The following EPHA5 variants were observed in gnomAD, a reference collection of about 807,000 sequenced individuals.
EPHA5 encodes ephrin type-A receptor 5.
In EPHA5, 60 loss-of-function variants were observed where a neutral mutation model predicts 105.0. The observed-to-expected ratio is 0.57, with a 90% CI of 0.46 to 0.71. EPHA5 has a LOEUF of 0.71. Ranked by LOEUF, EPHA5 falls within the 30% of genes least tolerant of loss-of-function variation. The pLI, the probability that EPHA5 is intolerant of heterozygous loss-of-function variation, is 0.00. For synonymous variants in EPHA5, 513 were observed against 449.1 expected, an observed-to-expected ratio of 1.14 and a Z score of -1.80; for missense variants, 1,218 against 1,274.7, an observed-to-expected ratio of 0.96 and a Z score of 0.68.
At chr4:65,609,146 A>C (rs1280155659) in intron 2 of EPHA5, among the ~76,000 whole-genome samples, 1 of 152,202 alleles carries the variant, frequency 6.6e-6, no homozygotes, top group East Asian at 1.9e-4. Flanking sequence ...TTTTAAAAGA[A>C]TAAAACATGT....
chr4:65,603,475 A>AT (rs949183576), intron 2 of EPHA5, among the ~76,000 whole-genome samples: 11 of 133,076 alleles, frequency 8.3e-5, no homozygotes, highest in African/African-American at 2.3e-4. Context: ...AGTATTGTAG[A>AT]TAAAAAAAAC....
chr4:65,469,378 G>A lies in EPHA5; in HGVS notation c.1402+20999C>T, dbSNP rs144741245. On this transcript the variant is annotated intron_variant, in intron 5 of 16. Transcript: ENST00000613740. ...AAATCTCTGGCCTATTAACTAGGGT[G>A]CGAAATAGGTATTCAAGTTATGTAT... Among the ~76,000 whole-genome samples the A allele has an allele frequency of 1.0e-3, 155 of 152,272 alleles. 1 individual carries two copies. The highest frequency in any genetic ancestry group is 3.7e-3 in the African/African-American group (154 of 41,552).
chr4:65,440,902 A>C (rs946102708), intron 5 of EPHA5, among the ~76,000 whole-genome samples: 1 of 152,196 alleles, frequency 6.6e-6, no homozygotes, highest in Admixed American at 6.5e-5. Context: ...CTTTGTGTGC[A>C]ACTTACCAAG....
rs1036498009 is a variant in EPHA5, at chr4:65,373,234, T to C, written c.1794-5810A>G. Among the ~76,000 whole-genome samples the C allele has an allele frequency of 3.3e-5, 5 of 151,994 alleles. 1 individual carries two copies. The highest frequency in any genetic ancestry group is 1.2e-4 in the African/African-American group (5 of 41,538). The stretch of plus-strand genomic sequence containing the variant: ...GATAGTTTGGAGCAGTTCGTGATTA[T>C]ATTTTGCTTAGCAAGCCTTCCATTG... On this transcript the variant is annotated intron_variant, in intron 8 of 16. Coordinates refer to ENST00000613740, the MANE Select transcript of EPHA5 (RefSeq NM_001281766.3).
intron 11 of EPHA5, among the ~76,000 whole-genome samples, chr4:65,355,549 T>C (rs1723221159): frequency 6.6e-6 from 1 of 151,574 alleles, no homozygotes; most frequent in South Asian, 2.1e-4. Context: ...TTTCAACCTT[T>C]TATATTCATC....
chr4:65,609,484 T>C (rs1744557996), intron 2 of EPHA5, among the ~76,000 whole-genome samples: 1 of 152,140 alleles, frequency 6.6e-6, no homozygotes, highest in Admixed American at 6.5e-5. Flanking sequence ...CAATTCATAA[T>C]ACAAATGAAA....
intron 3 of EPHA5, among the ~76,000 whole-genome samples, chr4:65,565,967 G>A (rs1424672877): frequency 1.3e-5 from 2 of 151,290 alleles, no homozygotes; most frequent in African/African-American, 4.8e-5. Context: ...TGTTAGAAAT[G>A]CTGATATTTT....
At chr4:65,654,808 G>A (rs1487736463) in intron 1 of EPHA5, among the ~76,000 whole-genome samples, 2 of 145,630 alleles carry the variant, frequency 1.4e-5, no homozygotes, top group African/African-American at 5.0e-5. Context: ...TCCTAAATTA[G>A]ATAGGATATA....
chr4:65,350,346 T>A (rs1334038360), intron 13 of EPHA5, among the ~76,000 whole-genome samples: 1 of 151,352 alleles, frequency 6.6e-6, no homozygotes, highest in Non-Finnish European at 1.5e-5. Flanking sequence ...CAAATCCCCA[T>A]GAATCACAAA....
At chr4:65,435,911 T>C (rs1725433270) in intron 5 of EPHA5, among the ~76,000 whole-genome samples, 1 of 152,100 alleles carries the variant, frequency 6.6e-6, no homozygotes, top group Admixed American at 6.6e-5. Flanking sequence ...TAATAAAATG[T>C]AACTATTCTA....
intron 3 of EPHA5, among the ~76,000 whole-genome samples, chr4:65,527,678 T>G (rs1735370217): frequency 6.6e-6 from 1 of 152,110 alleles, no homozygotes; most frequent in Non-Finnish European, 1.5e-5. Flanking sequence ...CTGGGTATCT[T>G]TATTAATATT....
At chr4:65,658,745 G>A (rs1267653261) in intron 1 of EPHA5, among the ~76,000 whole-genome samples, 1 of 152,008 alleles carries the variant, frequency 6.6e-6, no homozygotes, top group East Asian at 1.9e-4. Context: ...GTTGAGCCAG[G>A]TTCCTGAGCC....
chr4:65,493,845 A>C (rs1046579935), intron 4 of EPHA5, among the ~76,000 whole-genome samples: 1 of 152,158 alleles, frequency 6.6e-6, no homozygotes, highest in African/African-American at 2.4e-5. Context: ...AAAAAGAAAG[A>C]TAATGGGTAG....
intron 3 of EPHA5, among the ~76,000 whole-genome samples, chr4:65,525,114 G>C (rs1383528011): frequency 1.3e-5 from 2 of 151,488 alleles, no homozygotes; most frequent in Non-Finnish European, 3.0e-5. Flanking sequence ...GGTAATAACA[G>C]ATATATTAAA....
chr4:65,409,132 T>C (rs1214492899), intron 7 of EPHA5, among the ~76,000 whole-genome samples: 5 of 127,404 alleles, frequency 3.9e-5, no homozygotes, highest in South Asian at 2.6e-4. Context: ...TAGGTGGGAA[T>C]TGAACAATGA....
intron 8 of EPHA5, among the ~76,000 whole-genome samples, chr4:65,392,927 C>A (rs1459316796): frequency 6.6e-6 from 1 of 152,046 alleles, no homozygotes; most frequent in Non-Finnish European, 1.5e-5. Context: ...TACTGGCCGG[C>A]AGAAGAGAGA....
At chr4:65,646,135 G>A (rs965078628) in intron 1 of EPHA5, among the ~76,000 whole-genome samples, 3 of 152,042 alleles carry the variant, frequency 2.0e-5, no homozygotes, top group Non-Finnish European at 2.9e-5. Context: ...CCTTCAAAAC[G>A]TATTTCAGGA....
At chr4:65,566,968 T>G (rs1486253673) in intron 3 of EPHA5, among the ~76,000 whole-genome samples, 1 of 151,598 alleles carries the variant, frequency 6.6e-6, no homozygotes, top group Non-Finnish European at 1.5e-5. Context: ...CTTATAGGTC[T>G]TATATACTTA....
intron 8 of EPHA5, among the ~76,000 whole-genome samples, chr4:65,376,254 G>C (rs1046833924): frequency 3.3e-5 from 5 of 152,006 alleles, no homozygotes; most frequent in African/African-American, 1.2e-4. Context: ...ATAGTGCAAG[G>C]ATTTAGGCTA....
Sources: allele counts gnomAD v4.1 joint callset (sites outside exome capture counted in the v4.1 genomes callset), GRCh38; gene constraint gnomAD v4.1.1; transcripts MANE v1.5; gene names NCBI Gene and HGNC (gene_info 2026-07-23, HGNC 2026-07-21).